The following SNX31 variants were observed in gnomAD, a reference collection of about 807,000 sequenced individuals.
SNX31 encodes sorting nexin 31.
SNX31 carries 58 observed loss-of-function variants against 65.4 expected under a neutral mutation model. That is an observed-to-expected ratio of 0.89 (90% CI 0.72 to 1.10). The LOEUF is 1.10. Among genes scored for constraint, SNX31 ranks in the 50% least tolerant of loss-of-function variants. The pLI is 0.00. For synonymous variants in SNX31, 181 were observed against 190.1 expected (o/e 0.95, Z 0.39); for missense variants, 523 against 529.7 (o/e 0.99, Z 0.12).
At chr8:100,638,907 A>G (rs185216604) in intron 2 of SNX31, among the ~76,000 whole-genome samples, 51 of 152,372 alleles carry the variant, frequency 3.3e-4, no homozygotes, top group Admixed American at 4.6e-4. Context: ...AAAGACATGA[A>G]AGAAACGTAA....
At chr8:100,603,962 T>C (rs1815902677) in intron 8 of SNX31, among the ~76,000 whole-genome samples, 1 of 152,190 alleles carries the variant, frequency 6.6e-6, no homozygotes, top group Non-Finnish European at 1.5e-5. Flanking sequence ...GGTCTCAAAC[T>C]CCTAATCTCA....
intron 2 of SNX31, among the ~76,000 whole-genome samples, chr8:100,647,980 A>G (rs768917360): frequency 1.8e-4 from 27 of 152,226 alleles, no homozygotes; most frequent in South Asian, 1.0e-3. Context: ...ATCGTTCCTA[A>G]GGACCTACTG....
intron 4 of SNX31, 45 bp from the exon 5 acceptor site, chr8:100,617,775 T>C: frequency 6.6e-6 from 10 of 1,514,662 alleles, no homozygotes; most frequent in Non-Finnish European, 9.1e-6. Context: ...ACCTTTTTTT[T>C]TTTTTTGGAG....
At chr8:100,657,264 C>G (rs930525601) in intron 1 of SNX31, among the ~76,000 whole-genome samples, 1 of 151,822 alleles carries the variant, frequency 6.6e-6, no homozygotes, top group African/African-American at 2.4e-5. Context: ...ACCAGCCTGA[C>G]CAACATGGAG....
Position 100,573,952 on chromosome 8 carries a change from G to C in SNX31, c.1236C>G (p.Asp412Glu). ...KYHIQQSQQK[D>E]YSSFLSRKSK... is the part of the protein sequence containing the mutation. ...TTTTTCTTGATAGAAAACTAGAATA[G>C]TCTTTCTGCTGTGAAGTAAACAGAG... The change falls in exon 14 of 14, where the codon GAC becomes GAG. Residue 412 changes from aspartate to glutamate, a missense_variant. Asp to Glu is a conservative substitution (Grantham distance 45). Coordinates refer to ENST00000311812, the MANE Select transcript of SNX31 (RefSeq NM_152628.4). The C allele has an allele frequency of 6.4e-7, 1 of 1,560,180 alleles. No homozygotes were observed.
chr8:100,653,561 C>T (rs6989288), upstream of SNX31, among the ~76,000 whole-genome samples: 1,424 of 152,320 alleles, frequency 9.3e-3, 24 homozygotes, highest in African/African-American at 0.031. Context: ...GCGCCTCAGG[C>T]CACCAGAAGC....
At chr8:100,635,870 T>C in intron 3 of SNX31, 27 bp downstream of exon 3, 1 of 1,548,190 alleles carries the variant, frequency 6.5e-7, no homozygotes, top group South Asian at 1.1e-5. Flanking sequence ...ATAAATCTGT[T>C]TTTTAAAAAA....
At chr8:100,600,053 A>T (rs930367217) in intron 9 of SNX31, among the ~76,000 whole-genome samples, 1 of 152,248 alleles carries the variant, frequency 6.6e-6, no homozygotes. Context: ...TAGCCAAACG[A>T]TAATATAACC....
chr8:100,612,565 A>G lies in SNX31; in HGVS notation c.523+430T>C, dbSNP rs1017872178. ...GAGAATCAGACTGTCTTCTTACACT[A>G]TCTCATTACACTTGAAAAAAGAATC... is the stretch of plus-strand genomic sequence containing the variant. On this transcript the variant is annotated intron_variant, in intron 6 of 13. Coordinates refer to ENST00000311812, the MANE Select transcript of SNX31 (RefSeq NM_152628.4). The surrounding 1 kb of genome is among the most constrained non-coding windows in gnomAD (Gnocchi z 4.3). Among the ~76,000 whole-genome samples the G allele has an allele frequency of 6.6e-6, 1 of 152,202 alleles. No homozygotes were observed. Among genetic ancestry groups the G allele is most frequent in the African/African-American group, 2.4e-5 (1 of 41,452 alleles).
chr8:100,635,747 C>G (rs1818724878), intron 3 of SNX31, 150 bp downstream of exon 3: 1 of 597,178 alleles, frequency 1.7e-6, no homozygotes, highest in Admixed American at 2.9e-5. Flanking sequence ...GGGGTAGTGA[C>G]AATATTCTAA....
chr8:100,660,620 T>A lies in SNX31; in HGVS notation c.-58+2522A>T, dbSNP rs546723801. On this transcript the variant is annotated intron_variant, in intron 1 of 5. Transcript: ENST00000520352. The surrounding 1 kb of genome is among the most constrained non-coding windows in gnomAD (Gnocchi z 4.1). Reference sequence around the variant, plus strand: ...GAAGAAGGTTCTGTAGGGGTCAAACTTGATGCCCAGAAAGTTCCTATATTC... The same window carrying A: ...GAAGAAGGTTCTGTAGGGGTCAAACATGATGCCCAGAAAGTTCCTATATTC... 4.3e-4 allele frequency among the ~76,000 whole-genome samples: 65 copies of A among 152,308 alleles called. No homozygotes were observed. Among genetic ancestry groups the A allele is most frequent in the Middle Eastern group, 6.8e-3 (2 of 294 alleles).
At chr8:100,631,095 C>T (rs62513879) in intron 3 of SNX31, among the ~76,000 whole-genome samples, 32,539 of 151,950 alleles carry the variant, frequency 0.21, 4,101 homozygotes, top group African/African-American at 0.34. Context: ...GCCGAGAGCA[C>T]CCCTTTGAAT....
At chr8:100,656,332 G>A (rs1820051447) in intron 1 of SNX31, among the ~76,000 whole-genome samples, 2 of 151,796 alleles carry the variant, frequency 1.3e-5, no homozygotes, top group Admixed American at 6.6e-5. Flanking sequence ...TTCCACTCCT[G>A]CTCTGAAAAA....
At chr8:100,663,450 T>C (rs1809820651), upstream of SNX31, 1 of 152,208 alleles carries the variant, frequency 6.6e-6, no homozygotes, top group Non-Finnish European at 1.5e-5. Flanking sequence ...TTTCTGCTTT[T>C]GGTGCTTTTT....
chr8:100,659,617 G>GTT (rs112582153), intron 1 of SNX31, among the ~76,000 whole-genome samples: 40 of 151,742 alleles, frequency 2.6e-4, no homozygotes, highest in African/African-American at 5.6e-4. Flanking sequence ...ATTTTTAAGT[G>GTT]TTTTTTTTGT....
chr8:100,657,761 C>A, intron 1 of SNX31: 1 of 455,984 alleles, frequency 2.2e-6, no homozygotes, highest in Non-Finnish European at 4.4e-6. Context: ...AAGTGGACTA[C>A]TTGGGAGGCT....
chr8:100,595,844 G>T (rs1815032987), intron 10 of SNX31, among the ~76,000 whole-genome samples: 1 of 152,170 alleles, frequency 6.6e-6, no homozygotes, highest in Admixed American at 6.5e-5. Context: ...TGATTTCAGA[G>T]AATATGTAGA....
rs1306953766 is a variant in SNX31 at position 100,660,503 on chromosome 8, T to C, written c.-58+2639A>G. Among the ~76,000 whole-genome samples the C allele has an allele frequency of 6.6e-6, 1 of 152,242 alleles. No individual in the cohort carries two copies. Among genetic ancestry groups the C allele is most frequent in the Non-Finnish European group, 1.5e-5 (1 of 68,048 alleles). On this transcript the variant is annotated intron_variant, in intron 1 of 5. Coordinates refer to the SNX31 transcript ENST00000520352. This position sits in a 1 kb window ranked among gnomAD's most constrained non-coding sequence, Gnocchi z 4.1. ...GCAGGCTCTTCAGAGTGATACTAAA[T>C]GATTGTGTTTTACACAAGAGATCAA...
intron 10 of SNX31, among the ~76,000 whole-genome samples, chr8:100,596,095 A>C (rs1404846913): frequency 6.6e-6 from 1 of 152,188 alleles, no homozygotes; most frequent in African/African-American, 2.4e-5. Flanking sequence ...AGTTAACCTC[A>C]GTTTCCTGTG....
Sources: gnomAD v4.1 joint callset for allele counts (sites outside exome capture counted in the v4.1 genomes callset) on GRCh38, gnomAD v4.1.1 for gene constraint, Gnocchi (gnomAD v3.1) non-coding constraint, MANE v1.5 for transcripts, NCBI Gene and HGNC (gene_info 2026-07-23, HGNC 2026-07-21) for gene names.